Variants in SLC10A7 observed in about 807,000 individuals in gnomAD.
SLC10A7 encodes the protein sodium/bile acid cotransporter 7.
In SLC10A7, 29 loss-of-function variants were observed where a neutral mutation model predicts 43.2. The observed-to-expected ratio is 0.67, with a 90% confidence interval of 0.50 to 0.92. The LOEUF (loss-of-function observed/expected upper bound fraction) is 0.92. SLC10A7 is among the 40% of genes least tolerant of loss of function. The pLI is 0.00. For synonymous variants in SLC10A7, 152 were observed against 144.8 expected, an observed-to-expected ratio of 1.05 and a Z score of -0.35; for missense variants, 295 against 403.2, an observed-to-expected ratio of 0.73 and a Z score of 2.30.
At chr4:146,465,181 C>T (rs1656900666) in intron 4 of SLC10A7, among the ~76,000 whole-genome samples, 1 of 152,070 alleles carries the variant, frequency 6.6e-6, no homozygotes, top group African/African-American at 2.4e-5. Context: ...CAGAAATGTG[C>T]ACATCATACT....
intron 5 of SLC10A7, among the ~76,000 whole-genome samples, chr4:146,345,173 G>A (rs184941262): frequency 9.8e-5 from 15 of 152,290 alleles, no homozygotes; most frequent in African/African-American, 3.6e-4. Flanking sequence ...AGTGACGTGG[G>A]AACCACAGGC....
rs1454267103 is a variant in SLC10A7 at position 146,274,192 on chromosome 4, A to G, written c.847+9000T>C. Reference sequence around the variant, plus strand: ...CTAAATGGGTGGTTCTCTTTTGTTCAGATTATACTTTTTTTTTTTTTTTTT... The same window carrying G: ...CTAAATGGGTGGTTCTCTTTTGTTCGGATTATACTTTTTTTTTTTTTTTTT... On this transcript the variant is annotated intron_variant, in intron 10 of 11. Transcript: ENST00000335472. Among the ~76,000 whole-genome samples, 5 of 149,400 alleles carry G rather than the reference A, an allele frequency of 3.3e-5. No homozygotes were observed. In the Admixed American group the frequency reaches 3.4e-4, roughly 10 times the overall value.
At chr4:146,375,882 G>GC (rs1560848252) in intron 5 of SLC10A7, among the ~76,000 whole-genome samples, 2 of 152,046 alleles carry the variant, frequency 1.3e-5, no homozygotes, top group African/African-American at 2.4e-5. Flanking sequence ...CCATCAGACT[G>GC]CCCCCCACTT....
intron 6 of SLC10A7, among the ~76,000 whole-genome samples, chr4:146,312,165 T>A (rs1202125763): frequency 6.6e-6 from 1 of 152,112 alleles, no homozygotes; most frequent in Non-Finnish European, 1.5e-5. Flanking sequence ...TGCACAGTCT[T>A]TTTCCCTCTC....
chr4:146,330,874 G>T (rs1733485843), intron 5 of SLC10A7, among the ~76,000 whole-genome samples: 1 of 152,000 alleles, frequency 6.6e-6, no homozygotes, highest in South Asian at 2.1e-4. Flanking sequence ...TGAAGAGAAA[G>T]CTCTTTCTTA....
chr4:146,511,784 G>C (rs373419092), intron 2 of SLC10A7, among the ~76,000 whole-genome samples: 3 of 152,158 alleles, frequency 2.0e-5, no homozygotes, highest in Admixed American at 1.3e-4. Context: ...AATTCTTAGA[G>C]CTCTACTCCA....
At chr4:146,306,030 A>T (rs543430350) in intron 6 of SLC10A7, 21 bp from the exon 7 acceptor site, 2 of 1,565,362 alleles carry the variant, frequency 1.3e-6, no homozygotes, top group Non-Finnish European at 1.7e-6. Context: ...AGAAAATAGG[A>T]GTTAGAATTA....
At chr4:146,521,362 T>A (rs1261688650) in intron 1 of SLC10A7, among the ~76,000 whole-genome samples, 1 of 152,152 alleles carries the variant, frequency 6.6e-6, no homozygotes, top group East Asian at 1.9e-4. Context: ...CTCTGTAACC[T>A]CACTTCTTGA....
chr4:146,483,450 CA>C (rs34046091), intron 4 of SLC10A7, among the ~76,000 whole-genome samples: 122,033 of 151,020 alleles, frequency 0.81, 49,599 homozygotes, highest in East Asian at 0.96. Flanking sequence ...CACACACACA[CA>C]AAAAAAAAAC....
At chr4:146,354,568 C>G (rs1056476059) in intron 5 of SLC10A7, among the ~76,000 whole-genome samples, 6 of 147,944 alleles carry the variant, frequency 4.1e-5, no homozygotes, top group Admixed American at 2.0e-4. Context: ...CAAAAAAGAG[C>G]CCGCATCGCC....
chr4:146,489,931 C>CT lies in SLC10A7; in HGVS notation c.396+13917dup, dbSNP rs953102242. ...GGCAAACTGTTTCTTAAAGTAGGCT[C>CT]TTTTTTTTTTTACCCTTTGATATGT... On this transcript the variant is annotated intron_variant, in intron 4 of 11. Transcript: ENST00000335472. Among the ~76,000 whole-genome samples the CT allele has an allele frequency of 5.4e-3, 786 of 144,980 alleles. 3 individuals carry two copies. The highest frequency in any genetic ancestry group is 0.016 in the African/African-American group (653 of 39,764).
In SLC10A7 at chr4:146,325,825, G is replaced by C. The variant is rs1335712019; in HGVS notation, c.471+136C>G. ...CTTCGTATCTGAATATTATTATGCG[G>C]TACAGCTAAACTGGAACAACAATTC... On this transcript the variant is annotated intron_variant, in intron 6 of 11. Transcript: ENST00000335472. 5 of 777,636 alleles carry C rather than the reference G, an allele frequency of 6.4e-6. No homozygotes were observed. The African/African-American group carries it at 8.8e-5, about 14-fold the overall frequency. The allele number at this position is 777,636 out of a possible 1,614,324, so 48.2% of individuals were successfully genotyped here. A position where few individuals can be genotyped will look rare whatever the true frequency, so the allele number is the denominator to read the frequency against.
chr4:146,500,453 C>T (rs1194010042), intron 4 of SLC10A7, among the ~76,000 whole-genome samples: 1 of 152,140 alleles, frequency 6.6e-6, no homozygotes, highest in Admixed American at 6.5e-5. Flanking sequence ...AAGTATACCC[C>T]TTCTACCCAG....
At chr4:146,332,826 G>T (rs1233374628) in intron 5 of SLC10A7, among the ~76,000 whole-genome samples, 1 of 152,142 alleles carries the variant, frequency 6.6e-6, no homozygotes, top group Non-Finnish European at 1.5e-5. Context: ...ACACTGACTA[G>T]TTGACATCAG....
intron 2 of SLC10A7, among the ~76,000 whole-genome samples, chr4:146,512,983 A>G (rs183787861): frequency 4.6e-5 from 7 of 152,282 alleles, no homozygotes; most frequent in East Asian, 1.9e-4. Context: ...ACATTTTTTA[A>G]GTAAAATAAG....
chr4:146,261,745 A>G (rs1728237828), intron 10 of SLC10A7, among the ~76,000 whole-genome samples: 1 of 152,156 alleles, frequency 6.6e-6, no homozygotes, highest in Non-Finnish European at 1.5e-5. Flanking sequence ...CTACCCCCAC[A>G]AGTGAATAAT....
At chr4:146,353,003 A>C (rs1735252776) in intron 5 of SLC10A7, among the ~76,000 whole-genome samples, 1 of 150,790 alleles carries the variant, frequency 6.6e-6, no homozygotes, top group Non-Finnish European at 1.5e-5. Flanking sequence ...AAACACATTC[A>C]AAAGCTAGCA....
intron 5 of SLC10A7, among the ~76,000 whole-genome samples, chr4:146,427,657 G>A (rs1729470705): frequency 6.6e-6 from 1 of 152,106 alleles, no homozygotes; most frequent in Admixed American, 6.6e-5. Flanking sequence ...GTTTAAAAAG[G>A]TAGAAATAAA....
At chr4:146,508,245 G>T (rs1375531141) in intron 3 of SLC10A7, among the ~76,000 whole-genome samples, 1 of 152,114 alleles carries the variant, frequency 6.6e-6, no homozygotes, top group Non-Finnish European at 1.5e-5. Flanking sequence ...CCCCATTTTA[G>T]TGATTACTAG....
Sources: gnomAD v4.1 joint callset for allele counts (sites outside exome capture counted in the v4.1 genomes callset) on GRCh38, gnomAD v4.1.1 for gene constraint, MANE v1.5 for transcripts, NCBI Gene and HGNC (gene_info 2026-07-23, HGNC 2026-07-21) for gene names.